RGL1: variants seen among roughly 807,000 people sequenced by gnomAD.
RGL1 encodes ral guanine nucleotide dissociation stimulator-like 1.
A neutral mutation model predicts 95.2 loss-of-function variants in RGL1; 24 were observed. The observed-to-expected ratio is 0.25, with a 90% CI of 0.18 to 0.35. RGL1 has a LOEUF of 0.35. RGL1 is among the 10% of genes least tolerant of loss of function. RGL1 has a pLI of 1.00. For missense variants in RGL1, 715 were observed against 936.3 expected, an observed-to-expected ratio of 0.76 and a Z score of 3.08; for synonymous variants, 329 against 344.9, an observed-to-expected ratio of 0.95 and a Z score of 0.51.
Position 183,866,021 on chromosome 1 carries a change from T to A in RGL1, c.373T>A (p.Cys125Ser), listed in dbSNP as rs761216055. The A allele has an allele frequency of 1.2e-6, 2 of 1,613,884 alleles. No homozygotes were observed. Among genetic ancestry groups the A allele is most frequent in the African/African-American group, 2.7e-5 (2 of 74,936 alleles). Residue 125 changes from cysteine (C) to serine (S), a missense_variant, in exon 4 of 18, where the codon TGT (cysteine) becomes AGT (serine). Coordinates refer to ENST00000360851, the MANE Select transcript of RGL1 (RefSeq NM_001297671.3). ...GTATGGAAACCTGACAAGCCCAAAC[T>A]GTGAAGAAGATGGAAGCCAAAGTTC... The part of the protein sequence containing the change: ...DRYGNLTSPN[C>S]EEDGSQSSSE...
intron 1 of RGL1, among the ~76,000 whole-genome samples, chr1:183,672,562 T>G (rs1298387221): frequency 6.6e-6 from 1 of 152,240 alleles, no homozygotes; most frequent in East Asian, 1.9e-4. Context: ...ATCAGTCATC[T>G]AGTTCTCCAC....
At chr1:183,789,162 A>G (rs1660324029) in intron 2 of RGL1, among the ~76,000 whole-genome samples, 1 of 152,304 alleles carries the variant, frequency 6.6e-6, no homozygotes, top group African/African-American at 2.4e-5. Context: ...TAGTTCTACC[A>G]GCTGGGCATG....
At chr1:183,912,317 T>C in intron 15 of RGL1, 49 bp downstream of exon 15, 1 of 1,455,272 alleles carries the variant, frequency 6.9e-7, no homozygotes, top group Non-Finnish European at 9.5e-7. Flanking sequence ...ACCTACATGC[T>C]CTTTGCCACA....
chr1:183,640,831 G>A (rs78730917), intron 1 of RGL1, among the ~76,000 whole-genome samples: 10,445 of 152,154 alleles, frequency 0.069, 625 homozygotes, highest in African/African-American at 0.16. Context: ...AAAATTGAGT[G>A]CTGGGCTCTT....
chr1:183,693,411 G>C (rs1392629320), intron 1 of RGL1, among the ~76,000 whole-genome samples: 2 of 152,004 alleles, frequency 1.3e-5, no homozygotes, highest in Non-Finnish European at 2.9e-5. Flanking sequence ...AGCTGAAAAT[G>C]ATTTGGTCCC....
chr1:183,883,570 A>G (rs1666939947), intron 5 of RGL1, among the ~76,000 whole-genome samples: 2 of 152,150 alleles, frequency 1.3e-5, no homozygotes, highest in African/African-American at 4.8e-5. Context: ...TCAGAGTGAG[A>G]GCATGAGGGC....
intron 2 of RGL1, among the ~76,000 whole-genome samples, chr1:183,822,695 T>C (rs1346067835): frequency 6.6e-6 from 1 of 152,208 alleles, no homozygotes; most frequent in Non-Finnish European, 1.5e-5. Context: ...TTGCAAACAA[T>C]TTGTTTGTTT....
chr1:183,789,824 A>G (rs544851678), intron 2 of RGL1, among the ~76,000 whole-genome samples: 2 of 150,398 alleles, frequency 1.3e-5, no homozygotes, highest in African/African-American at 4.9e-5. Context: ...GTTCTTTAGG[A>G]TATTAGGTTG....
intron 2 of RGL1, among the ~76,000 whole-genome samples, chr1:183,771,311 A>G (rs1324789991): frequency 6.6e-6 from 1 of 151,996 alleles, no homozygotes; most frequent in Non-Finnish European, 1.5e-5. Context: ...GAAAAAAAAA[A>G]AACAAGAAAA....
intron 1 of RGL1, among the ~76,000 whole-genome samples, chr1:183,737,425 A>T (rs1657007826): frequency 6.6e-6 from 1 of 152,148 alleles, no homozygotes; most frequent in Non-Finnish European, 1.5e-5. Flanking sequence ...ATTACATATT[A>T]TAGATATTAT....
chr1:183,814,561 A>G (rs982888706), intron 2 of RGL1, among the ~76,000 whole-genome samples: 1 of 152,102 alleles, frequency 6.6e-6, no homozygotes, highest in Non-Finnish European at 1.5e-5. Flanking sequence ...GAAGTTTTTT[A>G]TGTTTTTCTT....
At chr1:183,683,647 G>C (rs1209033272) in intron 1 of RGL1, among the ~76,000 whole-genome samples, 2 of 152,002 alleles carry the variant, frequency 1.3e-5, no homozygotes, top group Admixed American at 6.6e-5. Flanking sequence ...TGTGTCTTGG[G>C]GTTGCTCTTC....
chr1:183,813,382 A>T (rs1190409856), intron 2 of RGL1, among the ~76,000 whole-genome samples: 1 of 152,226 alleles, frequency 6.6e-6, no homozygotes, highest in Non-Finnish European at 1.5e-5. Flanking sequence ...GAAAAACCAG[A>T]TCCAGGCATG....
chr1:183,836,853 G>A (rs73045534), intron 2 of RGL1, among the ~76,000 whole-genome samples: 3,231 of 152,200 alleles, frequency 0.021, 124 homozygotes, highest in African/African-American at 0.075. Context: ...TTTCATTTTG[G>A]AGGGGAAGGG....
intron 3 of RGL1, among the ~76,000 whole-genome samples, chr1:183,855,294 T>C (rs527276693): frequency 6.6e-6 from 1 of 152,348 alleles, no homozygotes; most frequent in South Asian, 2.1e-4. Flanking sequence ...CCCCGGGAGC[T>C]GGTAGTTGTA....
At chr1:183,904,113 T>G (rs113340722) in intron 12 of RGL1, among the ~76,000 whole-genome samples, 153 of 152,360 alleles carry the variant, frequency 1.0e-3, no homozygotes, top group Middle Eastern at 3.4e-3. Flanking sequence ...ATTAAACTTC[T>G]GGAAAGTTTG....
At chr1:183,643,266 ATTTATTTATTTATT>A (rs1558128997) in intron 1 of RGL1, among the ~76,000 whole-genome samples, 9,184 of 137,778 alleles carry the variant, frequency 0.067, 451 homozygotes, top group African/African-American at 0.15. Flanking sequence ...CTGTTTTTTT[ATTTATTTATTTATT>A]TATTTATTTA....
At chr1:183,857,205 G>C (rs1358763848) in intron 3 of RGL1, among the ~76,000 whole-genome samples, 1 of 152,176 alleles carries the variant, frequency 6.6e-6, no homozygotes, top group African/African-American at 2.4e-5. Context: ...TATGTTGCTG[G>C]CTTTGAAGAT....
chr1:183,714,962 G>A (rs942811284), intron 1 of RGL1, among the ~76,000 whole-genome samples: 1 of 152,094 alleles, frequency 6.6e-6, no homozygotes, highest in Non-Finnish European at 1.5e-5. Context: ...GATTCTGATC[G>A]AGCCATTGCC....
Sources: allele counts gnomAD v4.1 joint callset (sites outside exome capture counted in the v4.1 genomes callset), GRCh38; gene constraint gnomAD v4.1.1; transcripts MANE v1.5; gene names NCBI Gene and HGNC (gene_info 2026-07-23, HGNC 2026-07-21).